The following TGFBR3 variants were observed in gnomAD, a reference collection of about 807,000 sequenced individuals.
TGFBR3 encodes the protein transforming growth factor beta receptor 3.
In TGFBR3, 46 loss-of-function variants were observed where a neutral mutation model predicts 87.9. That is an observed-to-expected ratio of 0.52 (90% confidence interval 0.41 to 0.67). TGFBR3 has a LOEUF of 0.67. TGFBR3 is among the 30% of genes least tolerant of loss of function. The pLI, the probability that TGFBR3 is intolerant of heterozygous loss-of-function variation, is 0.00. For synonymous variants in TGFBR3, 381 were observed against 391.6 expected (o/e 0.97, Z 0.32); for missense variants, 866 against 1,041.9 (o/e 0.83, Z 2.32).
At chr1:91,803,573 C>CT (rs1260958538) in intron 2 of TGFBR3, among the ~76,000 whole-genome samples, 8 of 151,516 alleles carry the variant, frequency 5.3e-5, no homozygotes, top group African/African-American at 1.5e-4. Flanking sequence ...AATGTAAACT[C>CT]TTTTTTTTAT....
intron 1 of TGFBR3, among the ~76,000 whole-genome samples, chr1:91,871,050 A>G (rs1217371258): frequency 6.6e-6 from 1 of 151,986 alleles, no homozygotes; most frequent in East Asian, 1.9e-4. Context: ...ACCAAAAAAA[A>G]AAAAAAGATG....
intron 1 of TGFBR3, 25 bp downstream of exon 1, chr1:91,885,853 G>T: frequency 3.1e-6 from 1 of 324,526 alleles, no homozygotes; most frequent in South Asian, 2.3e-5. Context: ...GGGCTGCAGC[G>T]CCGCGGGGCT....
intron 10 of TGFBR3, 37 bp downstream of exon 10, chr1:91,719,275 T>C: frequency 6.2e-7 from 1 of 1,614,112 alleles, no homozygotes; most frequent in Non-Finnish European, 8.5e-7. Context: ...AGCCAGGCTC[T>C]GGCAAAGGGC....
chr1:91,886,292 A>ACTCCTC, upstream of TGFBR3: 1 of 358,882 alleles, frequency 2.8e-6, no homozygotes. Context: ...CCGCCCAGAA[A>ACTCCTC]CTCCTCCTCC....
chr1:91,903,450 A>G (rs1417543693), intron 1 of TGFBR3, among the ~76,000 whole-genome samples: 2 of 151,724 alleles, frequency 1.3e-5, no homozygotes, highest in African/African-American at 4.8e-5. Context: ...GATTATCTAT[A>G]AGAATTTTGA....
At chr1:91,837,158 AT>A (rs1445697765) in intron 2 of TGFBR3, among the ~76,000 whole-genome samples, 2 of 152,014 alleles carry the variant, frequency 1.3e-5, no homozygotes, top group Non-Finnish European at 2.9e-5. Context: ...AGACCTAATA[AT>A]TTTTTTTAAA....
chr1:91,895,442 G>A (rs999154631), intron 2 of TGFBR3, among the ~76,000 whole-genome samples: 8 of 151,858 alleles, frequency 5.3e-5, no homozygotes, highest in East Asian at 1.9e-4. Flanking sequence ...ATAGAACCAT[G>A]AGCCAATTAA....
intron 1 of TGFBR3, among the ~76,000 whole-genome samples, chr1:91,875,592 G>A (rs1486245353): frequency 1.3e-5 from 2 of 151,950 alleles, no homozygotes; most frequent in East Asian, 3.9e-4. Context: ...ATCAAGCATT[G>A]AAAAGGAAGA....
intron 2 of TGFBR3, among the ~76,000 whole-genome samples, chr1:91,801,511 T>TA (rs1675628390): frequency 6.6e-6 from 1 of 151,960 alleles, no homozygotes; most frequent in African/African-American, 2.4e-5. Context: ...TCTGTGAAAA[T>TA]AAAAAAGTGG....
intron 4 of TGFBR3, among the ~76,000 whole-genome samples, chr1:91,742,061 T>G (rs1279117527): frequency 6.6e-6 from 1 of 152,148 alleles, no homozygotes; most frequent in Non-Finnish European, 1.5e-5. Flanking sequence ...TGGGTCTTTT[T>G]ACACCCTGCA....
intron 14 of TGFBR3, among the ~76,000 whole-genome samples, chr1:91,707,734 CA>C (rs1671842431): frequency 1.3e-5 from 2 of 152,238 alleles, no homozygotes. Context: ...AGCCTTCTCT[CA>C]GTTTGACACC....
intron 12 of TGFBR3, among the ~76,000 whole-genome samples, chr1:91,714,268 A>G (rs1016525509): frequency 6.6e-6 from 1 of 152,184 alleles, no homozygotes; most frequent in South Asian, 2.1e-4. Flanking sequence ...CAAACAACAC[A>G]GTTCCCAGAG....
At chr1:91,864,928 C>G (rs1678331506) in intron 1 of TGFBR3, among the ~76,000 whole-genome samples, 1 of 152,126 alleles carries the variant, frequency 6.6e-6, no homozygotes, top group South Asian at 2.1e-4. Flanking sequence ...TCTGGCTGGG[C>G]ACAGTGGCTC....
chr1:91,684,742 C>G (rs1034535974), intron 16 of TGFBR3, among the ~76,000 whole-genome samples: 7 of 152,116 alleles, frequency 4.6e-5, no homozygotes, highest in African/African-American at 1.7e-4. Context: ...TCAGTGCAAC[C>G]CTCAAAAAAT....
chr1:91,787,300 A>G (rs1204517375), intron 3 of TGFBR3, among the ~76,000 whole-genome samples: 2 of 151,952 alleles, frequency 1.3e-5, no homozygotes, highest in Non-Finnish European at 2.9e-5. Flanking sequence ...ACGCCATCTC[A>G]CAAAAAGTAA....
At position 91,719,965 on chromosome 1, in the gene TGFBR3, G is replaced by T; in HGVS notation, c.1341C>A (p.Ser447Arg). The change falls in exon 9 of 17, where the codon AGC (serine) becomes AGA (arginine). Residue 447 changes from serine to arginine, a missense_variant. Transcript: ENST00000212355. Reference sequence around the variant, plus strand: ...ATTTGACAGACAGGGCAATATCCACGCTCCCTTGCACCTCTTCTGGCTCTC... The same window carrying T: ...ATTTGACAGACAGGGCAATATCCACTCTCCCTTGCACCTCTTCTGGCTCTC... Reference protein sequence around the residue: ...GLREPEEVQGSVDIALSVKCD... With the variant: ...GLREPEEVQGRVDIALSVKCD... 14 of 1,614,088 alleles carry T rather than the reference G, an allele frequency of 8.7e-6. No homozygotes were observed. Among genetic ancestry groups the T allele is most frequent in the Non-Finnish European group, 1.2e-5 (14 of 1,180,026 alleles).
chr1:91,877,023 T>C (rs771175436), intron 1 of TGFBR3, among the ~76,000 whole-genome samples: 5 of 152,168 alleles, frequency 3.3e-5, no homozygotes, highest in Non-Finnish European at 5.9e-5. Flanking sequence ...TCTTCAGGGT[T>C]ATAAGAGTTG....
intron 10 of TGFBR3, among the ~76,000 whole-genome samples, chr1:91,717,750 C>T (rs1038270652): frequency 6.7e-6 from 1 of 149,212 alleles, no homozygotes; most frequent in Admixed American, 6.7e-5. Flanking sequence ...AGTACTGACG[C>T]CAATTAAAGG....
intron 4 of TGFBR3, among the ~76,000 whole-genome samples, chr1:91,752,774 G>A (rs918720131): frequency 3.9e-5 from 6 of 151,928 alleles, no homozygotes; most frequent in Admixed American, 1.3e-4. Flanking sequence ...TGTAATCCCA[G>A]TACTTTGGGA....
Sources: gnomAD v4.1 joint callset for allele counts (sites outside exome capture counted in the v4.1 genomes callset) on GRCh38, gnomAD v4.1.1 for gene constraint, MANE v1.5 for transcripts, NCBI Gene and HGNC (gene_info 2026-07-23, HGNC 2026-07-21) for gene names.